The following SZRD1 variants were observed in gnomAD, a reference collection of about 807,000 sequenced individuals.
SZRD1 encodes the protein SUZ RNA binding domain containing 1, also known as SUZ RNA-binding domain-containing.
SZRD1 carries 7 observed loss-of-function variants against 17.6 expected under a neutral mutation model. The observed-to-expected ratio is 0.40, with a 90% CI of 0.23 to 0.75. The LOEUF (loss-of-function observed/expected upper bound fraction) is 0.75, where lower values mean the gene tolerates loss of function less well. Among genes scored for constraint, SZRD1 ranks in the 30% least tolerant of loss-of-function variants. The pLI, the probability that SZRD1 is intolerant of heterozygous loss-of-function variation, is 0.38. For missense variants in SZRD1, 178 were observed against 201.8 expected (o/e 0.88, Z 0.71); for synonymous variants, 77 against 77.9 (o/e 0.99, Z 0.06).
chr1:16,375,219 T>C (rs1031151771), intron 1 of SZRD1, among the ~76,000 whole-genome samples: 1 of 152,146 alleles, frequency 6.6e-6, no homozygotes, highest in African/African-American at 2.4e-5. Flanking sequence ...CCAAGCATCC[T>C]TCTCTTTAAC....
chr1:16,380,788 G>A (rs553526164), intron 1 of SZRD1, among the ~76,000 whole-genome samples: 3 of 152,146 alleles, frequency 2.0e-5, no homozygotes, highest in Admixed American at 1.3e-4. Context: ...TTTTGTATTT[G>A]TAGAGATGGG....
intron 1 of SZRD1, among the ~76,000 whole-genome samples, chr1:16,383,822 G>A (rs1570027137): frequency 6.6e-6 from 1 of 151,582 alleles, no homozygotes; most frequent in East Asian, 2.0e-4. Flanking sequence ...GTTTCACCAT[G>A]TTGGCCAGGC....
At chr1:16,369,898 A>C (rs1016419828) in intron 1 of SZRD1, among the ~76,000 whole-genome samples, 9 of 100,398 alleles carry the variant, frequency 9.0e-5, no homozygotes, top group African/African-American at 1.9e-4. Flanking sequence ...AAAAAAAAAA[A>C]CAAAAAAAAA....
chr1:16,387,424 A>G (rs2085144760), intron 1 of SZRD1: 1 of 448,776 alleles, frequency 2.2e-6, no homozygotes, highest in Non-Finnish European at 4.5e-6. Context: ...AGCGATATGA[A>G]AGTGAAAGTT....
Position 16,397,440 on chromosome 1 carries a change from A to G in SZRD1, c.*2300A>G, listed in dbSNP as rs2085330812. ...GTGTGGGAGGGTATTTTTTGGGGGT[A>G]GTTGTCTGTAACTTTCCTAAGTGCT... On this transcript the variant is annotated 3_prime_UTR_variant, in exon 4 of 4. Transcript: ENST00000401088. The surrounding 1 kb of genome is among the most constrained non-coding windows in gnomAD (Gnocchi z 5.4). 1.3e-5 allele frequency: 2 copies of G among 152,206 alleles called. No individual in the cohort carries two copies. Among genetic ancestry groups the G allele is most frequent in the Non-Finnish European group, 2.9e-5 (2 of 68,034 alleles). 9.4% of individuals were successfully genotyped at this position (152,206 alleles called of 1,614,324 possible). A position where few individuals can be genotyped will look rare whatever the true frequency, so the allele number is the denominator to read the frequency against.
At chr1:16,387,834 C>T (rs2085152763) in intron 1 of SZRD1, 1 of 374,126 alleles carries the variant, frequency 2.7e-6, no homozygotes, top group African/African-American at 2.1e-5. Flanking sequence ...AGTACTTACT[C>T]AGGTAATAAC....
rs563982445 is a variant in SZRD1, at chr1:16,392,982, G to A, written c.102-246G>A. Among the ~76,000 whole-genome samples the A allele has an allele frequency of 1.3e-4, 20 of 152,364 alleles. No individual in the cohort carries two copies. In the East Asian group the frequency reaches 2.5e-3, roughly 19 times the overall value. ...AGTGCCAGAATGAGGTGGCGTTCCA[G>A]CCCCTGTGGCCAGGGGTTAGGGCTG... On this transcript the variant is annotated intron_variant, in intron 2 of 3. Coordinates refer to ENST00000401088, the MANE Select transcript of SZRD1 (RefSeq NM_001114600.3).
intron 1 of SZRD1, chr1:16,369,474 C>A (rs762350658): frequency 2.4e-5 from 24 of 1,008,928 alleles, no homozygotes; most frequent in Middle Eastern, 3.1e-4. Context: ...GAGTGAACTT[C>A]AGAACCTGCT....
intron 1 of SZRD1, among the ~76,000 whole-genome samples, chr1:16,383,724 A>T (rs1183955864): frequency 1.4e-5 from 2 of 145,676 alleles, no homozygotes; most frequent in African/African-American, 5.2e-5. Context: ...GGTTCAAGCG[A>T]TTCTCCTGCC....
chr1:16,391,499 C>CTAATCCTAA lies in SZRD1; in HGVS notation c.101+76_101+77insAATCCTAAT. 7.6e-7 allele frequency: 1 copy of CTAATCCTAA among 1,313,524 alleles called. No homozygotes were observed. Among genetic ancestry groups the CTAATCCTAA allele is most frequent in the Non-Finnish European group, 1.1e-6 (1 of 938,132 alleles). 81.4% of individuals were successfully genotyped at this position (1,313,524 alleles called of 1,614,324 possible). A position where few individuals can be genotyped will look rare whatever the true frequency, so the allele number is the denominator to read the frequency against. ...CCGGGCAGTCAGTGGTGTTCTCCAG[C>CTAATCCTAA]TGGCCATTAGGATTAGCAGGTCCTA... On this transcript the variant is annotated intron_variant, in intron 2 of 3. Transcript: ENST00000401088. This position sits in a 1 kb window ranked among gnomAD's most constrained non-coding sequence, Gnocchi z 4.3.
chr1:16,393,636 G>GT lies in SZRD1; in HGVS notation c.356+156dup, dbSNP rs1485870364. ...TGCTGATCCCAGCCTGCTGGCACTAGTTCACTGTGCCGCATTGGCTGGAGA... is the reference window on the plus strand; with the variant it reads ...TGCTGATCCCAGCCTGCTGGCACTAGTTTCACTGTGCCGCATTGGCTGGAGA... On this transcript the variant is annotated intron_variant, in intron 3 of 3. Coordinates refer to ENST00000401088, the MANE Select transcript of SZRD1 (RefSeq NM_001114600.3). The surrounding 1 kb of genome is among the most constrained non-coding windows in gnomAD (Gnocchi z 5.6). 2.0e-5 allele frequency among the ~76,000 whole-genome samples: 3 copies of GT among 152,326 alleles called. No individual in the cohort carries two copies. Among genetic ancestry groups the GT allele is most frequent in the African/African-American group, 7.2e-5 (3 of 41,590 alleles).
At chr1:16,372,299 C>T (rs375600096) in intron 1 of SZRD1, among the ~76,000 whole-genome samples, 3 of 152,034 alleles carry the variant, frequency 2.0e-5, no homozygotes, top group African/African-American at 7.2e-5. Context: ...ATGGTGAAAC[C>T]CCGTCTCTAT....
intron 1 of SZRD1, among the ~76,000 whole-genome samples, chr1:16,381,176 T>G (rs1412946441): frequency 2.1e-5 from 3 of 145,468 alleles, no homozygotes; most frequent in South Asian, 2.2e-4. Flanking sequence ...ATCACTTGAG[T>G]CCAGGAGTGT....
intron 1 of SZRD1, chr1:16,386,988 TGA>T (rs2085136131): frequency 4.1e-6 from 1 of 244,306 alleles, no homozygotes; most frequent in African/African-American, 2.3e-5. Context: ...TACTACCTTG[TGA>T]CCTTGGGTAA....
At chr1:16,380,556 C>A (rs1486861563) in intron 1 of SZRD1, among the ~76,000 whole-genome samples, 1 of 152,130 alleles carries the variant, frequency 6.6e-6, no homozygotes, top group Non-Finnish European at 1.5e-5. Flanking sequence ...ACAGCCTCCA[C>A]CTCCCGGGTT....
At position 16,396,024 on chromosome 1, in the gene SZRD1, G is replaced by C. The variant is rs2085306290; in HGVS notation, c.*884G>C. 6.6e-6 allele frequency: 1 copy of C among 152,654 alleles called. No homozygotes were observed. The highest frequency in any genetic ancestry group is 1.5e-5 in the Non-Finnish European group (1 of 68,058). The allele number at this position is 152,654 out of a possible 1,614,324, so 9.5% of individuals were successfully genotyped here. On this transcript the variant is annotated 3_prime_UTR_variant, in exon 4 of 4. Transcript: ENST00000401088. ...GACTTCCCCTTCCCATACCCCTCAG[G>C]GTGGTTCCCTACCAGCCAGGCTTAC...
At chr1:16,384,641 A>G (rs2083157913) in intron 1 of SZRD1, among the ~76,000 whole-genome samples, 1 of 152,184 alleles carries the variant, frequency 6.6e-6, no homozygotes, top group Non-Finnish European at 1.5e-5. Flanking sequence ...TGTCCCTCCC[A>G]AGGCCTGAAG....
In SZRD1 at chr1:16,393,166, A is replaced by G. The variant is rs570457880; in HGVS notation, c.102-62A>G. 740 of 1,582,674 alleles carry G rather than the reference A, an allele frequency of 4.7e-4. No individual in the cohort carries two copies. In the African/African-American group the frequency reaches 9.1e-3, roughly 19 times the overall value. On this transcript the variant is annotated intron_variant, in intron 2 of 3. Coordinates refer to ENST00000401088, the MANE Select transcript of SZRD1 (RefSeq NM_001114600.3). The surrounding 1 kb of genome is among the most constrained non-coding windows in gnomAD (Gnocchi z 5.6). ...GAAAGTGATGAGAGGTGGGTGTGGG[A>G]CATGGACAGGGCCTCCTTAGTCAGG...
intron 1 of SZRD1, among the ~76,000 whole-genome samples, chr1:16,375,503 C>T (rs2082987184): frequency 6.6e-6 from 1 of 151,888 alleles, no homozygotes; most frequent in African/African-American, 2.4e-5. Flanking sequence ...TTAGTAGAGA[C>T]GGGTTCACCA....
Sources: allele counts gnomAD v4.1 joint callset (sites outside exome capture counted in the v4.1 genomes callset), GRCh38; gene constraint gnomAD v4.1.1; non-coding constraint Gnocchi (gnomAD v3.1); transcripts MANE v1.5; gene names NCBI Gene and HGNC (gene_info 2026-07-23, HGNC 2026-07-21).